Variants in GAD2 observed in about 807,000 individuals in gnomAD.
GAD2 encodes the protein 65 kDa glutamic acid decarboxylase.
GAD2 carries 22 observed loss-of-function variants against 80.1 expected under a neutral mutation model. The observed-to-expected ratio is 0.27, with a 90% CI of 0.20 to 0.39. The LOEUF (loss-of-function observed/expected upper bound fraction) is 0.39, where lower values mean the gene tolerates loss of function less well. Ranked by LOEUF, GAD2 falls within the 10% of genes least tolerant of loss-of-function variation. The pLI is 1.00. For synonymous variants in GAD2, 274 were observed against 256.9 expected, an observed-to-expected ratio of 1.07 and a Z score of -0.64; for missense variants, 624 against 738.4, an observed-to-expected ratio of 0.85 and a Z score of 1.80.
intron 15 of GAD2, among the ~76,000 whole-genome samples, chr10:26,293,415 T>C (rs540763030): frequency 1.3e-5 from 2 of 152,190 alleles, no homozygotes; most frequent in Admixed American, 6.5e-5. Context: ...TGACCTCAGG[T>C]GATCTGCCCA....
intron 6 of GAD2, among the ~76,000 whole-genome samples, chr10:26,226,045 G>A (rs1463427637): frequency 1.3e-5 from 2 of 152,028 alleles, no homozygotes; most frequent in Non-Finnish European, 1.5e-5. Context: ...GGATTGATCT[G>A]TCCCTGAGAT....
At chr10:26,232,859 C>G (rs1013288032) in intron 7 of GAD2, among the ~76,000 whole-genome samples, 1 of 152,172 alleles carries the variant, frequency 6.6e-6, no homozygotes, top group Non-Finnish European at 1.5e-5. Context: ...CCATTTGACT[C>G]TCCCTTCTCC....
rs549133835 is a variant in GAD2, at chr10:26,288,411, C to T, written c.1386+1917C>T. On this transcript the variant is annotated intron_variant, in intron 13 of 15. Transcript: ENST00000376261. ...GTGTTGCCTGGTAATGGTGGGGTGA[C>T]GGGCCCCCTTCCTCTTTTGAAAATT... Among the ~76,000 whole-genome samples the T allele has an allele frequency of 3.3e-5, 5 of 152,230 alleles. No homozygotes were observed. The South Asian group carries it at 6.2e-4, about 19-fold the overall frequency.
chr10:26,256,302 T>C (rs1269608945), intron 8 of GAD2, among the ~76,000 whole-genome samples: 1 of 152,122 alleles, frequency 6.6e-6, no homozygotes, highest in Admixed American at 6.6e-5. Context: ...GACATCACGC[T>C]GTTTTACCCC....
chr10:26,248,711 G>A (rs1412673678), intron 8 of GAD2, among the ~76,000 whole-genome samples: 1 of 152,132 alleles, frequency 6.6e-6, no homozygotes, highest in Admixed American at 6.5e-5. Context: ...ACTCAGCTCT[G>A]GGTGATGAGG....
At chr10:26,253,570 C>A (rs1265306802) in intron 8 of GAD2, among the ~76,000 whole-genome samples, 2 of 152,178 alleles carry the variant, frequency 1.3e-5, no homozygotes, top group Admixed American at 1.3e-4. Context: ...GAGAAAATTT[C>A]TATTGTATGG....
intron 3 of GAD2, among the ~76,000 whole-genome samples, chr10:26,218,658 C>A (rs1477019214): frequency 6.6e-6 from 1 of 151,612 alleles, no homozygotes; most frequent in East Asian, 1.9e-4. Flanking sequence ...TTTGGTTTGC[C>A]CGAAGGCATT....
chr10:26,253,219 T>G (rs1400300218), intron 8 of GAD2, among the ~76,000 whole-genome samples: 1 of 152,216 alleles, frequency 6.6e-6, no homozygotes, highest in African/African-American at 2.4e-5. Context: ...GAATATTCTA[T>G]TTTGTAAAAA....
intron 7 of GAD2, among the ~76,000 whole-genome samples, chr10:26,240,610 T>C (rs1844728622): frequency 6.6e-6 from 1 of 151,754 alleles, no homozygotes; most frequent in Non-Finnish European, 1.5e-5. Flanking sequence ...CAGGTACCTG[T>C]AATCCCAGCT....
chr10:26,292,879 G>T, intron 14 of GAD2, 23 bp from the exon 15 acceptor site: 1 of 1,604,034 alleles, frequency 6.2e-7, no homozygotes, highest in South Asian at 1.1e-5. Flanking sequence ...GGCCAAATGT[G>T]AATCTTCCTT....
chr10:26,253,468 C>T (rs906478083), intron 8 of GAD2, among the ~76,000 whole-genome samples: 5 of 152,180 alleles, frequency 3.3e-5, no homozygotes, highest in African/African-American at 1.2e-4. Flanking sequence ...GGAAAATAAA[C>T]ATTTGTGAAA....
At chr10:26,297,758 G>A (rs1386209335) in intron 15 of GAD2, among the ~76,000 whole-genome samples, 1 of 152,196 alleles carries the variant, frequency 6.6e-6, no homozygotes, top group Non-Finnish European at 1.5e-5. Context: ...TGTGTGGAAG[G>A]TGCCCTCTCT....
Position 26,219,698 on chromosome 10 carries a change from T to C in GAD2, c.520+422T>C, listed in dbSNP as rs1340113504. ...TGCTGTGCTGGTATTTTCTTTGGCA[T>C]AAAACTGATCAGAAACAGGACTCAC... is the stretch of plus-strand genomic sequence containing the variant. On this transcript the variant is annotated intron_variant, in intron 4 of 15. Transcript: ENST00000376261. Among the ~76,000 whole-genome samples the C allele has an allele frequency of 2.6e-5, 4 of 152,348 alleles. No individual in the cohort carries two copies. In the East Asian group the frequency reaches 5.8e-4, roughly 22 times the overall value.
intron 8 of GAD2, among the ~76,000 whole-genome samples, chr10:26,267,976 G>A (rs1845091429): frequency 6.6e-6 from 1 of 152,154 alleles, no homozygotes; most frequent in Admixed American, 6.5e-5. Context: ...AGCCACAAAG[G>A]TACTATGGAG....
rs1236664453 is a variant in GAD2, at chr10:26,219,157, A to G, written c.401A>G (p.Asp134Gly). The change falls in exon 4 of 16, where the codon GAT (aspartate) becomes GGT (glycine). Residue 134 changes from aspartate to glycine, a missense_variant. Coordinates refer to ENST00000376261, the MANE Select transcript of GAD2 (RefSeq NM_001134366.2). ...KSFDRSTKVI[D>G]FHYPNELLQE... ...TTCGATAGATCAACCAAAGTGATTG[A>G]TTTCCATTATCCTAATGAGCTTCTC... is the stretch of plus-strand genomic sequence containing the variant. The G allele has an allele frequency of 3.7e-6, 6 of 1,613,802 alleles. No individual in the cohort carries two copies. The highest frequency in any genetic ancestry group is 4.2e-6 in the Non-Finnish European group (5 of 1,179,940).
At chr10:26,285,539 G>T (rs1480812873) in intron 12 of GAD2, among the ~76,000 whole-genome samples, 2 of 152,206 alleles carry the variant, frequency 1.3e-5, no homozygotes, top group African/African-American at 4.8e-5. Flanking sequence ...CGGAAAACAT[G>T]ATTCAGTCAC....
chr10:26,274,763 A>C (rs1845179027), intron 11 of GAD2, among the ~76,000 whole-genome samples: 1 of 152,178 alleles, frequency 6.6e-6, no homozygotes, highest in Non-Finnish European at 1.5e-5. Context: ...TGAGTGTGGA[A>C]AGAGAGGGGT....
At chr10:26,237,822 A>G (rs1009324606) in intron 7 of GAD2, among the ~76,000 whole-genome samples, 1 of 152,130 alleles carries the variant, frequency 6.6e-6, no homozygotes, top group Non-Finnish European at 1.5e-5. Flanking sequence ...AGCCTGGCCA[A>G]CATGGTGAGA....
intron 8 of GAD2, among the ~76,000 whole-genome samples, chr10:26,265,769 A>G (rs1845066025): frequency 6.6e-6 from 1 of 152,236 alleles, no homozygotes; most frequent in Non-Finnish European, 1.5e-5. Context: ...TCGCCATCCA[A>G]AGCCTCCCAG....
Sources: gnomAD v4.1 joint callset for allele counts (sites outside exome capture counted in the v4.1 genomes callset) on GRCh38, gnomAD v4.1.1 for gene constraint, MANE v1.5 for transcripts, NCBI Gene and HGNC (gene_info 2026-07-23, HGNC 2026-07-21) for gene names.